Variants in ABCB4 observed in about 807,000 individuals in gnomAD.
ABCB4 encodes ATP binding cassette subfamily B member 4, also known as phosphatidylcholine translocator ABCB4.
In ABCB4, 76 loss-of-function variants were observed where a neutral mutation model predicts 145.7. The ratio of observed to expected loss-of-function variants is 0.52; its 90% CI spans 0.43 to 0.63. The LOEUF is 0.63. Ranked by LOEUF, ABCB4 falls within the 30% of genes least tolerant of loss-of-function variation. The pLI, the probability that ABCB4 is intolerant of heterozygous loss-of-function variation, is 0.00. For missense variants in ABCB4, 1,234 were observed against 1,553.1 expected, an observed-to-expected ratio of 0.79 and a Z score of 3.45; for synonymous variants, 517 against 566.8, an observed-to-expected ratio of 0.91 and a Z score of 1.25.
Position 87,452,757 on chromosome 7 carries a change from T to A in ABCB4, c.536+187A>T. The A allele has an allele frequency of 4.4e-6, 3 of 686,456 alleles. No individual in the cohort carries two copies. The South Asian group carries it at 5.5e-5, about 13-fold the overall frequency. 42.5% of individuals were successfully genotyped at this position (686,456 alleles called of 1,614,324 possible). A position where few individuals can be genotyped will look rare whatever the true frequency, so the allele number is the denominator to read the frequency against. On this transcript the variant is annotated intron_variant, in intron 6 of 27. Coordinates refer to ENST00000649586, the MANE Select transcript of ABCB4 (RefSeq NM_000443.4). ...TCCTCAAATAAACCTACTATGCACC[T>A]TGGGGGAAAGCCAACATGCAATGGC...
chr7:87,374,977 T>C, the ABCB4 span, among the ~76,000 whole-genome samples: 1 of 152,040 alleles, frequency 6.6e-6, no homozygotes, highest in African/African-American at 2.4e-5. Flanking sequence ...AATTTCTTTA[T>C]GGGAGAACCC....
At chr7:87,375,746 T>TAACGAAGCTTTTCTC in the ABCB4 span, 2 of 1,612,582 alleles carry the variant, frequency 1.2e-6, no homozygotes, top group Non-Finnish European at 1.7e-6. Flanking sequence ...ACACTTTTCT[T>TAACGAAGCTTTTCTC]AACGAAGCTT....
At position 87,473,112 on chromosome 7, in the gene ABCB4, T is replaced by C. The variant is rs1211564701; in HGVS notation, c.81-437A>G. Among the ~76,000 whole-genome samples, 8 of 152,352 alleles carry C rather than the reference T, an allele frequency of 5.3e-5. No homozygotes were observed. In the East Asian group the frequency reaches 1.5e-3, roughly 29 times the overall value. On this transcript the variant is annotated intron_variant, in intron 2 of 27. Coordinates refer to ENST00000649586, the MANE Select transcript of ABCB4 (RefSeq NM_000443.4). ...AACCACTTATCACCAGTTTCATTGC[T>C]GTCACCAGTAGGGCAGCCTCCTGCC...
the ABCB4 span, among the ~76,000 whole-genome samples, chr7:87,395,620 T>C: frequency 6.6e-6 from 1 of 152,210 alleles, no homozygotes; most frequent in Non-Finnish European, 1.5e-5. Context: ...GCTGCTAGTT[T>C]ACAAGAAGGC....
rs1810888297 is a variant in ABCB4, at chr7:87,440,308, G to A, written c.1451C>T (p.Thr484Ile). ...ATAACAAATATTTTCAGCAATTGTG[G>A]TGGAAAACAGCACCGGCTCCTGACT... The part of the protein sequence containing the change: ...VVSQEPVLFS[T>I]TIAENICYGR... Residue 484 changes from threonine to isoleucine, a missense_variant, in exon 13 of 28, where the codon ACC becomes ATC. By Grantham distance (89) the Thr-to-Ile change is moderately conservative. Transcript: ENST00000649586. The A allele has an allele frequency of 1.9e-6, 3 of 1,614,094 alleles. No homozygotes were observed. The highest frequency in any genetic ancestry group is 1.7e-6 in the Non-Finnish European group (2 of 1,180,010).
At chr7:87,474,689 A>G (rs1352657300) in intron 2 of ABCB4, among the ~76,000 whole-genome samples, 1 of 152,212 alleles carries the variant, frequency 6.6e-6, no homozygotes, top group Non-Finnish European at 1.5e-5. Flanking sequence ...GGAAACAAAG[A>G]CACACGCCAT....
chr7:87,450,439 T>G (rs1272085944), intron 7 of ABCB4, among the ~76,000 whole-genome samples: 1 of 152,052 alleles, frequency 6.6e-6, no homozygotes, highest in African/African-American at 2.4e-5. Flanking sequence ...TTTGAAAGAA[T>G]TTACCATTCT....
chr7:87,391,030 G>A, the ABCB4 span, among the ~76,000 whole-genome samples: 1 of 152,202 alleles, frequency 6.6e-6, no homozygotes, highest in African/African-American at 2.4e-5. Flanking sequence ...CTGCTCTCCT[G>A]AGGGTAGGTC....
intron 6 of ABCB4, 132 bp from the exon 7 acceptor site, chr7:87,451,926 T>C: frequency 1.2e-6 from 1 of 808,716 alleles, no homozygotes. Flanking sequence ...TCTTAGCCTC[T>C]TGAATAACAT....
At chr7:87,438,392 G>T in intron 14 of ABCB4, among the ~76,000 whole-genome samples, 1 of 152,070 alleles carries the variant, frequency 6.6e-6, no homozygotes, top group South Asian at 2.1e-4. Context: ...ATAATTCAGT[G>T]CAAGAATTTG....
At chr7:87,392,723 A>T in the ABCB4 span, 6 of 1,613,022 alleles carry the variant, frequency 3.7e-6, no homozygotes, top group Non-Finnish European at 4.2e-6. Context: ...TTGGGGTTTC[A>T]TTGCAGGATT....
downstream of ABCB4, among the ~76,000 whole-genome samples, chr7:87,400,026 G>A (rs995451515): frequency 6.6e-6 from 1 of 152,068 alleles, no homozygotes; most frequent in Non-Finnish European, 1.5e-5. Flanking sequence ...TGTAAATTTG[G>A]TGGCTGGGAC....
chr7:87,417,898 C>T (rs573212363), intron 20 of ABCB4, among the ~76,000 whole-genome samples: 12 of 152,192 alleles, frequency 7.9e-5, no homozygotes, highest in African/African-American at 2.9e-4. Context: ...GGAAAGAGAC[C>T]ATCTGTTGTT....
chr7:87,424,056 G>A lies in ABCB4; in HGVS notation c.2065-4C>T, dbSNP rs1397830309. ...ACACTGGTGGCACATTTGCTTCCTA[G>A]AACATATAAACATCAGGGCAAACTG... On this transcript the variant is annotated splice_region_variant and splice_polypyrimidine_tract_variant and intron_variant, in intron 16 of 27. Transcript: ENST00000649586. 5 of 1,613,808 alleles carry A rather than the reference G, an allele frequency of 3.1e-6. No individual in the cohort carries two copies. Among genetic ancestry groups the A allele is most frequent in the Non-Finnish European group, 4.2e-6 (5 of 1,179,926 alleles).
intron 14 of ABCB4, among the ~76,000 whole-genome samples, chr7:87,435,000 T>G (rs1226263868): frequency 2.0e-5 from 3 of 152,140 alleles, no homozygotes; most frequent in Non-Finnish European, 4.4e-5. Flanking sequence ...GTATAAAGGA[T>G]CCACAAAATA....
the ABCB4 span, among the ~76,000 whole-genome samples, chr7:87,387,001 G>C: frequency 1.3e-5 from 2 of 152,072 alleles, no homozygotes; most frequent in African/African-American, 4.8e-5. Context: ...AGTATTGTGA[G>C]TCCATGGGAG....
At chr7:87,463,012 G>A in intron 3 of ABCB4, 104 bp from the exon 4 acceptor site, 1 of 1,065,874 alleles carries the variant, frequency 9.4e-7, no homozygotes, top group Non-Finnish European at 1.4e-6. Context: ...ACTTTTTTAA[G>A]AGTTGTAAAT....
chr7:87,369,551 T>C, the ABCB4 span: 1 of 961,418 alleles, frequency 1.0e-6, no homozygotes. Flanking sequence ...ATATACATGT[T>C]TAGAATTGCC....
At chr7:87,458,987 TAAAAAAAA>T (rs77823347) in intron 4 of ABCB4, among the ~76,000 whole-genome samples, 1 of 120,690 alleles carries the variant, frequency 8.3e-6, no homozygotes, top group Non-Finnish European at 1.8e-5. Flanking sequence ...AGGCACAAGT[TAAAAAAAA>T]AAAAAAAAGC....
Sources: allele counts gnomAD v4.1 joint callset (sites outside exome capture counted in the v4.1 genomes callset), GRCh38; gene constraint gnomAD v4.1.1; transcripts MANE v1.5; gene names NCBI Gene and HGNC (gene_info 2026-07-23, HGNC 2026-07-21).